The following APBB2 variants were observed in gnomAD, a reference collection of about 807,000 sequenced individuals.
APBB2 encodes Fe65-like 1.
A neutral mutation model predicts 82.5 loss-of-function variants in APBB2; 38 were observed. The observed-to-expected ratio is 0.46, with a 90% confidence interval of 0.36 to 0.60. The LOEUF is 0.60. Among genes scored for constraint, APBB2 ranks in the 20% least tolerant of loss-of-function variants. The probability of loss-of-function intolerance (pLI) is 0.00; values close to 1 mark genes in which losing one functional copy is unlikely to be tolerated. For missense variants in APBB2, 772 were observed against 972.3 expected (o/e 0.79, Z 2.74); for synonymous variants, 341 against 368.2 (o/e 0.93, Z 0.85).
intron 6 of APBB2, among the ~76,000 whole-genome samples, chr4:40,966,393 G>A (rs1794661191): frequency 6.6e-6 from 1 of 152,342 alleles, no homozygotes; most frequent in East Asian, 1.9e-4. Context: ...GGCCAGGGCT[G>A]TGGACTCCAC....
intron 2 of APBB2, among the ~76,000 whole-genome samples, chr4:41,116,148 G>T (rs2153986321): frequency 6.6e-6 from 1 of 152,314 alleles, no homozygotes; most frequent in East Asian, 1.9e-4. Flanking sequence ...AAAAGGATGA[G>T]TTCATGTCTT....
intron 3 of APBB2, among the ~76,000 whole-genome samples, chr4:41,099,031 T>A (rs193103819): frequency 1.1e-3 from 166 of 152,336 alleles, no homozygotes; most frequent in Admixed American, 1.9e-3. Flanking sequence ...ATTTTTTTTT[T>A]AAATTCCACT....
chr4:41,006,372 A>G (rs1263040932), intron 6 of APBB2, among the ~76,000 whole-genome samples: 1 of 152,214 alleles, frequency 6.6e-6, no homozygotes, highest in East Asian at 1.9e-4. Context: ...CAGGAAGGCT[A>G]GTGAGTCACC....
chr4:41,045,713 T>C (rs930448652), intron 4 of APBB2, among the ~76,000 whole-genome samples: 41 of 152,366 alleles, frequency 2.7e-4, no homozygotes, highest in Non-Finnish European at 5.4e-4. Context: ...TCTGTACTTT[T>C]ATAAAATGTC....
intron 1 of APBB2, among the ~76,000 whole-genome samples, chr4:41,166,538 A>G (rs1432700819): frequency 1.3e-5 from 2 of 151,256 alleles, no homozygotes; most frequent in Non-Finnish European, 2.9e-5. Context: ...AGATTGCACC[A>G]CTGCACTCCA....
At chr4:40,916,381 A>G (rs1779838611) in intron 10 of APBB2, among the ~76,000 whole-genome samples, 1 of 152,190 alleles carries the variant, frequency 6.6e-6, no homozygotes, top group Non-Finnish European at 1.5e-5. Flanking sequence ...AGAAGGCAAA[A>G]AGTGGATGCT....
intron 10 of APBB2, among the ~76,000 whole-genome samples, chr4:40,921,802 T>G (rs150321145): frequency 1.4e-3 from 207 of 152,334 alleles, no homozygotes; most frequent in African/African-American, 4.8e-3. Flanking sequence ...GGGTTCCATG[T>G]GTCATTTACA....
At chr4:40,829,200 A>G (rs1252214546) in intron 13 of APBB2, among the ~76,000 whole-genome samples, 2 of 152,182 alleles carry the variant, frequency 1.3e-5, no homozygotes, top group African/African-American at 4.8e-5. Context: ...CGAGCACCAC[A>G]ATAGTGTGTC....
intron 10 of APBB2, among the ~76,000 whole-genome samples, chr4:40,927,474 A>G (rs143665612): frequency 2.0e-5 from 3 of 152,200 alleles, no homozygotes; most frequent in African/African-American, 7.2e-5. Context: ...CTGATTCCAG[A>G]TGAAATGTTG....
chr4:41,135,467 T>G (rs1349218164), intron 2 of APBB2, among the ~76,000 whole-genome samples: 1 of 152,236 alleles, frequency 6.6e-6, no homozygotes, highest in African/African-American at 2.4e-5. Flanking sequence ...CAATGCTTAT[T>G]TGAATAGATA....
At chr4:41,089,682 T>C (rs930189312) in intron 3 of APBB2, among the ~76,000 whole-genome samples, 2 of 152,198 alleles carry the variant, frequency 1.3e-5, no homozygotes, top group African/African-American at 4.8e-5. Context: ...AGATAGCCAG[T>C]GGAAGAGTCA....
At chr4:40,856,820 C>A (rs1761350630) in intron 12 of APBB2, among the ~76,000 whole-genome samples, 1 of 152,250 alleles carries the variant, frequency 6.6e-6, no homozygotes, top group South Asian at 2.1e-4. Context: ...ACCGGCGGGG[C>A]AGAAAGCCCC....
intron 4 of APBB2, among the ~76,000 whole-genome samples, chr4:41,045,105 G>A (rs1722908709): frequency 6.6e-6 from 1 of 151,370 alleles, no homozygotes; most frequent in Admixed American, 6.6e-5. Context: ...TTGATTTTGT[G>A]CTCCTTCCAA....
chr4:41,141,379 C>T (rs891181337), intron 2 of APBB2, among the ~76,000 whole-genome samples: 3 of 151,944 alleles, frequency 2.0e-5, no homozygotes, highest in Non-Finnish European at 2.9e-5. Context: ...CGCATGTGTG[C>T]GTGTGCATGT....
intron 6 of APBB2, among the ~76,000 whole-genome samples, chr4:40,975,885 G>T (rs57538048): frequency 0.048 from 7,249 of 151,510 alleles, 592 homozygotes; most frequent in African/African-American, 0.17. Flanking sequence ...CCAGGACTTG[G>T]ATTAACTGAT....
intron 4 of APBB2, among the ~76,000 whole-genome samples, chr4:41,047,610 G>A (rs1723901092): frequency 6.6e-6 from 1 of 152,236 alleles, no homozygotes; most frequent in Admixed American, 6.5e-5. Flanking sequence ...ACACCAAGCT[G>A]TAGCAAGGTT....
chr4:41,064,594 T>C (rs1049534550), intron 4 of APBB2, among the ~76,000 whole-genome samples: 1 of 152,144 alleles, frequency 6.6e-6, no homozygotes, highest in African/African-American at 2.4e-5. Context: ...CTGCCCTTCA[T>C]AGAAATAAAC....
At chr4:41,089,948 T>C (rs1741120450) in intron 3 of APBB2, among the ~76,000 whole-genome samples, 1 of 152,218 alleles carries the variant, frequency 6.6e-6, no homozygotes, top group Non-Finnish European at 1.5e-5. Flanking sequence ...ATTTTACATA[T>C]ATTTATATAA....
chr4:40,825,132 C>G (rs191042084), intron 15 of APBB2, among the ~76,000 whole-genome samples: 1 of 152,316 alleles, frequency 6.6e-6, no homozygotes, highest in East Asian at 1.9e-4. Flanking sequence ...TCAGGACATT[C>G]AGGTTGTTTC....
Sources: gnomAD v4.1 joint callset for allele counts (sites outside exome capture counted in the v4.1 genomes callset) on GRCh38, gnomAD v4.1.1 for gene constraint, MANE v1.5 for transcripts, NCBI Gene and HGNC (gene_info 2026-07-23, HGNC 2026-07-21) for gene names.